PCDHA13: variants seen among roughly 807,000 people sequenced by gnomAD.
PCDHA13 encodes protocadherin alpha 13, also known as protocadherin alpha-13.
A neutral mutation model predicts 64.8 loss-of-function variants in PCDHA13; 54 were observed. The ratio of observed to expected loss-of-function variants is 0.83; its 90% confidence interval spans 0.67 to 1.04. The LOEUF (loss-of-function observed/expected upper bound fraction) is 1.04. Ranked by LOEUF, PCDHA13 falls within the 50% of genes least tolerant of loss-of-function variation. The probability of loss-of-function intolerance (pLI) is 0.00; values close to 1 mark genes in which losing one functional copy is unlikely to be tolerated. For missense variants in PCDHA13, 1,248 were observed against 1,254.3 expected, an observed-to-expected ratio of 0.99 and a Z score of 0.08; for synonymous variants, 587 against 564.4, an observed-to-expected ratio of 1.04 and a Z score of -0.57.
rs529433053 is a variant in PCDHA13 at position 140,985,961 on chromosome 5, A to C, written c.2542+3398A>C. Among the ~76,000 whole-genome samples, 18 of 151,982 alleles carry C rather than the reference A, an allele frequency of 1.2e-4. 1 individual carries two copies. In the South Asian group the frequency reaches 3.3e-3, roughly 28 times the overall value. On this transcript the variant is annotated intron_variant, in intron 3 of 3. Transcript: ENST00000289272. Reference sequence around the variant, plus strand: ...TCACTGTGTTAGCCAGGATGGTCTCAATCTCCTGACCTCGTGATCCGCCCA... The same window carrying C: ...TCACTGTGTTAGCCAGGATGGTCTCCATCTCCTGACCTCGTGATCCGCCCA...
chr5:140,983,282 G>A (rs1030439196), intron 3 of PCDHA13, among the ~76,000 whole-genome samples: 1 of 152,152 alleles, frequency 6.6e-6, no homozygotes, highest in Non-Finnish European at 1.5e-5. Context: ...GTGAGTATAG[G>A]AAAATTGCTT....
chr5:140,929,325 G>A (rs782073530), intron 1 of PCDHA13: 4 of 1,538,392 alleles, frequency 2.6e-6, no homozygotes, highest in Non-Finnish European at 3.5e-6. Flanking sequence ...TCAATGCCAT[G>A]GTAAGCAAAT....
intron 1 of PCDHA13, chr5:140,966,544 G>C: frequency 2.1e-6 from 1 of 465,718 alleles, no homozygotes; most frequent in Non-Finnish European, 3.7e-6. Flanking sequence ...GCGACTCGGA[G>C]GCGAGCGGAG....
intron 1 of PCDHA13, among the ~76,000 whole-genome samples, chr5:140,912,895 A>G (rs781884731): frequency 4.6e-5 from 7 of 152,212 alleles, no homozygotes; most frequent in Non-Finnish European, 1.0e-4. Context: ...TGTTGATATG[A>G]TGTATCATAT....
Position 140,882,886 on chromosome 5 carries a change from G to C in PCDHA13, c.618G>C (p.Gln206His). Reference protein sequence around the residue: ...LRKTLDREEIQEHSLLLTASD... With the variant: ...LRKTLDREEIHEHSLLLTASD... ...AAACACTGGACAGAGAGGAAATTCA[G>C]GAACATAGTTTATTACTGACAGCCA... Residue 206 changes from glutamine to histidine, a missense_variant, in exon 1 of 4, where the codon CAG (glutamine) becomes CAC (histidine). Transcript: ENST00000289272. 1 of 1,614,200 alleles carries C rather than the reference G, an allele frequency of 6.2e-7. No homozygotes were observed. Among genetic ancestry groups the C allele is most frequent in the Non-Finnish European group, 8.5e-7 (1 of 1,180,034 alleles).
chr5:140,985,060 C>T (rs1377386395), intron 3 of PCDHA13, among the ~76,000 whole-genome samples: 2 of 152,066 alleles, frequency 1.3e-5, no homozygotes, highest in Admixed American at 6.5e-5. Flanking sequence ...GCCTCAGCCT[C>T]CTGAGTAGCT....
At chr5:140,931,758 A>G (rs1374881766) in intron 1 of PCDHA13, among the ~76,000 whole-genome samples, 1 of 151,944 alleles carries the variant, frequency 6.6e-6, no homozygotes, top group African/African-American at 2.4e-5. Flanking sequence ...GGCATTTGTT[A>G]TTTACTTCTT....
At chr5:140,919,358 T>C (rs2153553560) in intron 1 of PCDHA13, among the ~76,000 whole-genome samples, 1 of 152,356 alleles carries the variant, frequency 6.6e-6, no homozygotes, top group East Asian at 1.9e-4. Flanking sequence ...AATCTAAAAG[T>C]GTCTCCTGCA....
At chr5:140,972,415 A>G (rs1048437043) in intron 1 of PCDHA13, among the ~76,000 whole-genome samples, 2 of 152,138 alleles carry the variant, frequency 1.3e-5, no homozygotes, top group East Asian at 3.9e-4. Flanking sequence ...AACCCTGTTA[A>G]GATCTTTTAT....
chr5:140,967,090 G>A (rs1320117719), intron 1 of PCDHA13: 2 of 1,613,240 alleles, frequency 1.2e-6, no homozygotes, highest in African/African-American at 2.7e-5. Context: ...TTGATCGGGA[G>A]GCGCTGTGTG....
intron 1 of PCDHA13, among the ~76,000 whole-genome samples, chr5:140,943,736 A>G (rs913454195): frequency 3.3e-5 from 5 of 152,266 alleles, no homozygotes; most frequent in Non-Finnish European, 7.3e-5. Context: ...ATGAAAGTCC[A>G]CAGTCTAAAA....
chr5:140,971,332 A>G (rs1229650076), intron 1 of PCDHA13, among the ~76,000 whole-genome samples: 3 of 152,242 alleles, frequency 2.0e-5, no homozygotes, highest in Non-Finnish European at 4.4e-5. Context: ...AAATTATTTC[A>G]GAAAGTGCTT....
rs952231570 is a variant in PCDHA13 at position 140,897,305 on chromosome 5, G to C, written c.2394+12643G>C. Among the ~76,000 whole-genome samples the C allele has an allele frequency of 1.9e-3, 284 of 150,706 alleles. 1 individual carries two copies. Among genetic ancestry groups the C allele is most frequent in the African/African-American group, 6.8e-3 (278 of 41,056 alleles). On this transcript the variant is annotated intron_variant, in intron 1 of 3. Coordinates refer to ENST00000289272, the MANE Select transcript of PCDHA13 (RefSeq NM_018904.3). ...CCATTAACTCGTCATTTAGCATTAG[G>C]TATATCTCCTAAAGCTATCCCTCCC...
Position 140,884,155 on chromosome 5 carries a change from C to A in PCDHA13, c.1887C>A (p.Gly629=), listed in dbSNP as rs781815602. ...RIPFRVGLYT[G]EISTTRPLDE... The stretch of plus-strand genomic sequence containing the variant: ...CGTTCCGCGTGGGGCTGTACACTGG[C>A]GAGATCAGCACGACGCGCCCTCTGG... Residue 629 remains glycine (G), a synonymous_variant, in exon 1 of 4, where the codon GGC becomes GGA. Transcript: ENST00000289272. 1.2e-6 allele frequency: 2 copies of A among 1,613,430 alleles called. No individual in the cohort carries two copies. Among genetic ancestry groups the A allele is most frequent in the Non-Finnish European group, 1.7e-6 (2 of 1,179,750 alleles).
chr5:140,890,632 T>C (rs561301430), intron 1 of PCDHA13, among the ~76,000 whole-genome samples: 28 of 152,330 alleles, frequency 1.8e-4, no homozygotes, highest in African/African-American at 6.0e-4. Context: ...ATTAAGCATG[T>C]ATCCTTGATA....
intron 1 of PCDHA13, among the ~76,000 whole-genome samples, chr5:140,912,045 C>T (rs1276989293): frequency 2.0e-5 from 3 of 152,196 alleles, no homozygotes; most frequent in African/African-American, 4.8e-5. Flanking sequence ...AGTCCCAAAG[C>T]TGAAGAACTT....
At position 140,883,968 on chromosome 5, in the gene PCDHA13, C is replaced by G. The variant is rs201548026; in HGVS notation, c.1700C>G (p.Thr567Arg). 34 of 1,613,020 alleles carry G rather than the reference C, an allele frequency of 2.1e-5. No homozygotes were observed. The East Asian group carries it at 7.4e-4, about 35-fold the overall frequency. ...DENDNAPALL[T>R]PGAGSAGGTV... is the part of the protein sequence containing the mutation. ...AACGACAACGCTCCGGCGCTGCTGACGCCCGGGGCTGGCAGCGCGGGAGGC... is the reference window on the plus strand; with the variant it reads ...AACGACAACGCTCCGGCGCTGCTGAGGCCCGGGGCTGGCAGCGCGGGAGGC... Residue 567 changes from threonine (T) to arginine (R), a missense_variant, in exon 1 of 4, where the codon ACG becomes AGG. By Grantham distance (71) the Thr-to-Arg change is moderately conservative (BLOSUM62 -1). Coordinates refer to ENST00000289272, the MANE Select transcript of PCDHA13 (RefSeq NM_018904.3).
At chr5:140,893,150 A>T (rs1398784015) in intron 1 of PCDHA13, among the ~76,000 whole-genome samples, 2 of 152,066 alleles carry the variant, frequency 1.3e-5, no homozygotes, top group African/African-American at 4.8e-5. Flanking sequence ...TCATCTGTTG[A>T]TGGATATTGA....
chr5:140,904,328 C>T (rs1469107868), intron 1 of PCDHA13, among the ~76,000 whole-genome samples: 2 of 151,958 alleles, frequency 1.3e-5, no homozygotes, highest in South Asian at 2.1e-4. Flanking sequence ...ATAATGGTCT[C>T]CAGTTCCATC....
Sources: allele counts gnomAD v4.1 joint callset (sites outside exome capture counted in the v4.1 genomes callset), GRCh38; gene constraint gnomAD v4.1.1; transcripts MANE v1.5; gene names NCBI Gene and HGNC (gene_info 2026-07-23, HGNC 2026-07-21).